Variants in DMD observed in about 807,000 individuals in gnomAD.
DMD encodes mutant dystrophin.
Under a neutral mutation model 330.1 loss-of-function variants are expected in DMD, and 63 were observed. The ratio of observed to expected loss-of-function variants is 0.19; its 90% confidence interval spans 0.16 to 0.24. The LOEUF is 0.24. DMD is among the 10% of genes least tolerant of loss of function. DMD has a pLI of 1.00. For missense variants in DMD, 3,344 were observed against 2,684.1 expected (o/e 1.25, Z -5.43); for synonymous variants, 1,223 against 959.8 (o/e 1.27, Z -5.07).
intron 51 of DMD, among the ~76,000 whole-genome samples, chrX:31,761,275 A>T (rs754971979): frequency 9.0e-6 from 1 of 110,899 alleles, no homozygotes; most frequent in Admixed American, 9.7e-5. Context: ...TTCTTATTAG[A>T]ACAACCATAG....
chrX:31,145,903 C>T (rs1176131096), intron 76 of DMD, among the ~76,000 whole-genome samples: 2 of 111,855 alleles, frequency 1.8e-5, no homozygotes, highest in East Asian at 5.6e-4. Flanking sequence ...CCTTGTGATC[C>T]GCCCACCTCA....
intron 63 of DMD, among the ~76,000 whole-genome samples, chrX:31,230,151 G>A (rs183500486): frequency 2.9e-4 from 32 of 111,587 alleles, no homozygotes; most frequent in Admixed American, 2.8e-3. Context: ...ATCTCAACTC[G>A]TAAAAACCTC....
At chrX:31,915,279 A>G (rs761184013) in intron 47 of DMD, among the ~76,000 whole-genome samples, 5 of 112,127 alleles carry the variant, frequency 4.5e-5, no homozygotes, top group Non-Finnish European at 9.4e-5. Flanking sequence ...TTGTGGGACC[A>G]GCATGGAGAT....
At chrX:31,159,666 G>A (rs1192617854) in intron 74 of DMD, among the ~76,000 whole-genome samples, 4 of 110,813 alleles carry the variant, frequency 3.6e-5, no homozygotes, top group South Asian at 3.9e-4. Context: ...ACCCCTTCCC[G>A]CAACTCATTA....
rs369702159 is a variant in DMD, at chrX:32,493,313, G to A, written c.2381-1795C>T. ...TTCAAAGCATAATGCTACTCAGGAT[G>A]GCGGTGAAGGAGACAAACTTTGCAA... On this transcript the variant is annotated intron_variant, in intron 19 of 78. Coordinates refer to ENST00000357033, the MANE Select transcript of DMD (RefSeq NM_004006.3). 1.3e-4 allele frequency among the ~76,000 whole-genome samples: 15 copies of A among 111,863 alleles called. No homozygotes were observed. In the East Asian group the frequency reaches 3.7e-3, roughly 27 times the overall value.
chrX:32,699,625 A>T (rs2063933482), intron 7 of DMD, among the ~76,000 whole-genome samples: 1 of 111,871 alleles, frequency 8.9e-6, no homozygotes, highest in Non-Finnish European at 1.9e-5. Flanking sequence ...AAAAGATTAC[A>T]TTTTCCCTCC....
chrX:33,235,209 C>A (rs150301254), intron 1 of DMD, among the ~76,000 whole-genome samples: 4,491 of 111,631 alleles, frequency 0.04, 195 homozygotes, highest in African/African-American at 0.14. Context: ...CCCTACACAA[C>A]GTTTTTTGTG....
intron 52 of DMD, among the ~76,000 whole-genome samples, chrX:31,697,012 CATTTT>C (rs757245316): frequency 4.5e-4 from 51 of 112,263 alleles, no homozygotes; most frequent in Non-Finnish European, 9.2e-4. Context: ...AAATGTATTT[CATTTT>C]GTCAAGGAAT....
intron 2 of DMD, among the ~76,000 whole-genome samples, chrX:32,996,207 G>A (rs751767747): frequency 1.8e-5 from 2 of 111,125 alleles, no homozygotes; most frequent in Non-Finnish European, 3.8e-5. Context: ...CATAAATCAC[G>A]TCTTAGATGG....
chrX:32,418,972 C>CAAAAAAAAAAAAAAAAAAAAAAAA (rs1160282195), intron 29 of DMD, among the ~76,000 whole-genome samples: 15 of 13,508 alleles, frequency 1.1e-3, no homozygotes, highest in Non-Finnish European at 1.5e-3. Flanking sequence ...GACTCTGTCT[C>CAAAAAAAAAAAAAAAAAAAAAAAA]AAAAAAAAAA....
At chrX:31,362,824 C>T (rs761669998) in intron 60 of DMD, among the ~76,000 whole-genome samples, 2 of 112,345 alleles carry the variant, frequency 1.8e-5, no homozygotes, top group Non-Finnish European at 3.8e-5. Context: ...GTGGCGGGCA[C>T]CTGTAGTCCC....
intron 9 of DMD, among the ~76,000 whole-genome samples, chrX:32,679,023 T>A (rs989340800): frequency 8.9e-6 from 1 of 112,072 alleles, no homozygotes; most frequent in Admixed American, 9.5e-5. Context: ...AAAAGTAAGA[T>A]AAGTCTCAAA....
chrX:32,407,975 G>T (rs772748390), intron 30 of DMD, among the ~76,000 whole-genome samples: 67 of 77,114 alleles, frequency 8.7e-4, no homozygotes, highest in African/African-American at 3.1e-3. Flanking sequence ...GAATGTTGTG[G>T]GGTGGGGGGA....
At position 32,029,885 on chromosome X, in the gene DMD, A is replaced by G. The variant is rs1000224609; in HGVS notation, c.6439-61371T>C. 2.7e-5 allele frequency among the ~76,000 whole-genome samples: 3 copies of G among 111,751 alleles called. No individual in the cohort carries two copies. The South Asian group carries it at 1.1e-3, about 41-fold the overall frequency. ...AAATAATCACATTGACATTGTGCTC[A>G]TTATCCACTAGTTTGAACCTATGGG... is the stretch of plus-strand genomic sequence containing the variant. On this transcript the variant is annotated intron_variant, in intron 44 of 78. Transcript: ENST00000357033.
intron 54 of DMD, among the ~76,000 whole-genome samples, chrX:31,644,347 C>A (rs1466667436): frequency 1.8e-5 from 2 of 111,124 alleles, no homozygotes; most frequent in African/African-American, 6.5e-5. Flanking sequence ...AATGTAAAAA[C>A]ACACACACAC....
At chrX:33,298,887 C>T (rs1452270749) in intron 1 of DMD, among the ~76,000 whole-genome samples, 1 of 111,708 alleles carries the variant, frequency 9.0e-6, no homozygotes, top group Non-Finnish European at 1.9e-5. Context: ...GCATGTCACA[C>T]AGCCAGACTC....
chrX:33,214,447 T>TG (rs1244158270), upstream of DMD, among the ~76,000 whole-genome samples: 4 of 111,851 alleles, frequency 3.6e-5, no homozygotes, highest in African/African-American at 1.3e-4. Flanking sequence ...CTCCAATTCA[T>TG]TAACATAGTA....
At chrX:32,791,817 T>C (rs2075843515) in intron 7 of DMD, among the ~76,000 whole-genome samples, 1 of 111,728 alleles carries the variant, frequency 9.0e-6, no homozygotes, top group South Asian at 3.7e-4. Context: ...AAACCCTATT[T>C]AACAAAATAA....
chrX:32,763,353 T>A (rs774725168), intron 7 of DMD, among the ~76,000 whole-genome samples: 2 of 112,188 alleles, frequency 1.8e-5, no homozygotes, highest in Non-Finnish European at 3.8e-5. Flanking sequence ...TATTTATAGT[T>A]ATGTTTTAGT....
Sources: allele counts gnomAD v4.1 joint callset (sites outside exome capture counted in the v4.1 genomes callset), GRCh38; gene constraint gnomAD v4.1.1; transcripts MANE v1.5; gene names NCBI Gene and HGNC (gene_info 2026-07-23, HGNC 2026-07-21).